MYO5A: variants seen among roughly 807,000 people sequenced by gnomAD.
MYO5A encodes the protein myosin VA, also known as unconventional myosin-Va.
Under a neutral mutation model 249.7 loss-of-function variants are expected in MYO5A, and 98 were observed. The ratio of observed to expected loss-of-function variants is 0.39; its 90% CI spans 0.33 to 0.46. The LOEUF is 0.46. MYO5A is among the 20% of genes least tolerant of loss of function. The pLI is 0.98. For missense variants in MYO5A, 1,696 were observed against 2,308.8 expected (o/e 0.73, Z 5.44); for synonymous variants, 778 against 810.6 (o/e 0.96, Z 0.68).
chr15:52,313,989 TTAAC>T (rs2037869404), intron 41 of MYO5A, 130 bp downstream of exon 41: 2 of 1,317,164 alleles, frequency 1.5e-6, no homozygotes, highest in Non-Finnish European at 2.1e-6. Flanking sequence ...ATTTTCCCAA[TTAAC>T]TATTATCAAA....
At chr15:52,510,881 C>T (rs17708103) in intron 1 of MYO5A, among the ~76,000 whole-genome samples, 4,605 of 152,294 alleles carry the variant, frequency 0.03, 141 homozygotes, top group East Asian at 0.17. Flanking sequence ...CAGTCACTGA[C>T]TTTCATTTAA....
chr15:52,518,264 C>CAAAAAAAA (rs36190580), intron 1 of MYO5A, among the ~76,000 whole-genome samples: 2 of 107,782 alleles, frequency 1.9e-5, no homozygotes, highest in African/African-American at 6.9e-5. Context: ...ACCCCTCCCA[C>CAAAAAAAA]AAAAAAAAAA....
intron 4 of MYO5A, among the ~76,000 whole-genome samples, chr15:52,418,911 A>T (rs1432756335): frequency 1.3e-5 from 2 of 152,060 alleles, no homozygotes; most frequent in African/African-American, 4.8e-5. Flanking sequence ...TTCCTTTCGA[A>T]TTTTACCCTT....
intron 10 of MYO5A, 58 bp downstream of exon 10, chr15:52,397,143 C>T (rs1343038307): frequency 1.3e-6 from 2 of 1,586,050 alleles, no homozygotes; most frequent in Non-Finnish European, 1.7e-6. Context: ...CTTAGAGTTA[C>T]TAGATAAGTT....
chr15:52,391,785 T>G, intron 12 of MYO5A, 145 bp downstream of exon 12: 1 of 760,354 alleles, frequency 1.3e-6, no homozygotes, highest in South Asian at 1.7e-5. Flanking sequence ...GGGTCTAGTG[T>G]CCCTTTGGAA....
At chr15:52,435,565 C>T in intron 1 of MYO5A, 1 of 437,562 alleles carries the variant, frequency 2.3e-6, no homozygotes, top group Non-Finnish European at 4.5e-6. Context: ...GCATGAGCCA[C>T]CATGCCCAGC....
At chr15:52,363,977 G>A (rs1020198220) in intron 24 of MYO5A, among the ~76,000 whole-genome samples, 6 of 152,206 alleles carry the variant, frequency 3.9e-5, no homozygotes, top group Admixed American at 1.3e-4. Flanking sequence ...AATGGCTCAT[G>A]CCTGTAATCC....
chr15:52,346,383 T>C lies in MYO5A; in HGVS notation c.3937A>G (p.Ile1313Val), dbSNP rs762167716. ...TACCTATTTGTTTCTTTCAAACCAATGTATGCTTGTGCTATTTCACCTTTA... is the reference window on the plus strand; with the variant it reads ...TACCTATTTGTTTCTTTCAAACCAACGTATGCTTGTGCTATTTCACCTTTA... Reference protein sequence around the residue: ...KDKGEIAQAYIGLKETNRSSA... With the variant: ...KDKGEIAQAYVGLKETNRSSA... Residue 1313 changes from isoleucine to valine, a missense_variant, in exon 30 of 42, where the codon ATT becomes GTT. This residue lies in a region of MYO5A where 625 missense variants were observed against 908.1 expected (regional missense o/e 0.69). Transcript: ENST00000399233. 1.2e-6 allele frequency: 2 copies of C among 1,601,082 alleles called. No homozygotes were observed. The highest frequency in any genetic ancestry group is 3.3e-5 in the Admixed American group (2 of 59,976).
chr15:52,396,619 T>G (rs935200703), intron 10 of MYO5A, among the ~76,000 whole-genome samples: 7 of 152,144 alleles, frequency 4.6e-5, no homozygotes, highest in African/African-American at 1.7e-4. Context: ...TTTTGTTTTT[T>G]TTTTCCAAAG....
At chr15:52,383,284 A>G (rs1249158872) in intron 15 of MYO5A, 96 bp from the exon 16 acceptor site, 1 of 1,044,838 alleles carries the variant, frequency 9.6e-7, no homozygotes, top group Admixed American at 1.7e-5. Context: ...ACACTAATGG[A>G]GAAAACTTTG....
intron 16 of MYO5A, among the ~76,000 whole-genome samples, chr15:52,381,046 G>A (rs940570180): frequency 1.3e-5 from 2 of 152,094 alleles, no homozygotes; most frequent in African/African-American, 4.8e-5. Flanking sequence ...TTTACTCTAG[G>A]CAAATGACAT....
At chr15:52,510,909 A>AT (rs1198318045) in intron 1 of MYO5A, among the ~76,000 whole-genome samples, 1 of 152,174 alleles carries the variant, frequency 6.6e-6, no homozygotes, top group African/African-American at 2.4e-5. Context: ...CATCACTTTG[A>AT]TTTTTTGTGA....
intron 31 of MYO5A, among the ~76,000 whole-genome samples, chr15:52,341,790 T>A (rs1373109508): frequency 6.6e-6 from 1 of 152,230 alleles, no homozygotes; most frequent in Non-Finnish European, 1.5e-5. Flanking sequence ...TTGAGTGTTT[T>A]AAAAATTTAA....
chr15:52,410,521 AACATG>A (rs748211525), intron 5 of MYO5A, 45 bp from the exon 6 acceptor site: 2 of 1,551,910 alleles, frequency 1.3e-6, no homozygotes, highest in African/African-American at 1.4e-5. Context: ...TGTAATTCAT[AACATG>A]ACATTTACAG....
intron 1 of MYO5A, among the ~76,000 whole-genome samples, chr15:52,470,868 C>A (rs533131933): frequency 1.3e-5 from 2 of 151,774 alleles, no homozygotes; most frequent in African/African-American, 4.8e-5. Context: ...ACTAAGAACA[C>A]AAAAATTAGC....
intron 5 of MYO5A, 77 bp from the exon 6 acceptor site, chr15:52,410,553 G>T: frequency 1.5e-6 from 2 of 1,338,942 alleles, no homozygotes; most frequent in Non-Finnish European, 2.1e-6. Flanking sequence ...CTCAGAGAGA[G>T]AAAAGATGGA....
chr15:52,477,798 C>T (rs1028824069), intron 1 of MYO5A, among the ~76,000 whole-genome samples: 1 of 152,118 alleles, frequency 6.6e-6, no homozygotes, highest in African/African-American at 2.4e-5. Flanking sequence ...TGCACCCGGC[C>T]GTATGAGGTG....
At chr15:52,421,276 ACGGAAGGGGCCACCC>A (rs2043777786) in intron 4 of MYO5A, among the ~76,000 whole-genome samples, 2 of 152,158 alleles carry the variant, frequency 1.3e-5, no homozygotes. Context: ...TAACCAAATG[ACGGAAGGGGCCACCC>A]TAAGGAAGGG....
In MYO5A at chr15:52,505,533, A is replaced by G. The variant is rs370278603; in HGVS notation, c.27+23247T>C. On this transcript the variant is annotated intron_variant, in intron 1 of 41. Coordinates refer to ENST00000399233, the MANE Select transcript of MYO5A (RefSeq NM_001382347.1). ...ATGATGAGGAAGAAAGTGAAGAAGC[A>G]AAGAGGCTAAGGGAAGAACGTCTTG... 5.2e-5 allele frequency: 81 copies of G among 1,560,700 alleles called. No homozygotes were observed. The East Asian group carries it at 5.4e-4, about 10-fold the overall frequency.
Sources: gnomAD v4.1 joint callset for allele counts (sites outside exome capture counted in the v4.1 genomes callset) on GRCh38, gnomAD v4.1.1 for gene constraint, gnomAD v4.1.1 regional missense constraint, MANE v1.5 for transcripts, NCBI Gene and HGNC (gene_info 2026-07-23, HGNC 2026-07-21) for gene names.